The following SH3D19 variants were observed in gnomAD, a reference collection of about 807,000 sequenced individuals.
SH3D19 encodes SH3 domain-containing protein 19.
Under a neutral mutation model 112.1 loss-of-function variants are expected in SH3D19, and 58 were observed. The observed-to-expected ratio is 0.52, with a 90% CI of 0.42 to 0.64. SH3D19 has a LOEUF of 0.64. Ranked by LOEUF, SH3D19 falls within the 30% of genes least tolerant of loss-of-function variation. The pLI is 0.00. For missense variants in SH3D19, 1,090 were observed against 1,263.4 expected, an observed-to-expected ratio of 0.86 and a Z score of 2.08; for synonymous variants, 391 against 448.5, an observed-to-expected ratio of 0.87 and a Z score of 1.62.
chr4:151,263,721 G>C (rs1210665493), intron 1 of SH3D19, among the ~76,000 whole-genome samples: 1 of 152,220 alleles, frequency 6.6e-6, no homozygotes, highest in Non-Finnish European at 1.5e-5. Context: ...GCCTTTGGCA[G>C]CTGGCTTCTC....
At chr4:151,148,519 G>A (rs1754349950) in intron 10 of SH3D19, among the ~76,000 whole-genome samples, 1 of 152,046 alleles carries the variant, frequency 6.6e-6, no homozygotes, top group African/African-American at 2.4e-5. Context: ...ACTATTTCTG[G>A]AAACTAAGTA....
intron 2 of SH3D19, among the ~76,000 whole-genome samples, chr4:151,217,128 G>A (rs1767260009): frequency 6.6e-6 from 1 of 152,134 alleles, no homozygotes. Context: ...ATAGTTTATA[G>A]AGGTACAGGT....
chr4:151,291,335 G>A lies in SH3D19; in HGVS notation c.112+33906C>T, dbSNP rs528289824. The A allele has an allele frequency of 1.1e-4, 180 of 1,613,854 alleles. 1 individual carries two copies. In the South Asian group the frequency reaches 1.8e-3, roughly 16 times the overall value. On this transcript the variant is annotated intron_variant, in intron 1 of 19. Coordinates refer to ENST00000604030, the MANE Select transcript of SH3D19 (RefSeq NM_001378122.1). ...GTCCTACTCTCTCTGGCTCTCCTGCGTCCCTCCTGTGCCTTTGGACCTAAC... is the reference window on the plus strand; with the variant it reads ...GTCCTACTCTCTCTGGCTCTCCTGCATCCCTCCTGTGCCTTTGGACCTAAC...
At chr4:151,187,372 C>T in intron 3 of SH3D19, 51 bp downstream of exon 3, 1 of 1,053,700 alleles carries the variant, frequency 9.5e-7, no homozygotes, top group Non-Finnish European at 1.2e-6. Flanking sequence ...TCTAAATCAT[C>T]ACTTAAAATT....
intron 1 of SH3D19, among the ~76,000 whole-genome samples, chr4:151,286,184 G>GAAAAAAAAAAAAAAA (rs56850648): frequency 3.5e-5 from 3 of 86,628 alleles, no homozygotes; most frequent in Non-Finnish European, 6.1e-5. Context: ...CTGTCTTAAA[G>GAAAAAAAAAAAAAAA]AAAAAAAAAA....
intron 1 of SH3D19, among the ~76,000 whole-genome samples, chr4:151,278,402 G>C (rs1367814697): frequency 7.6e-6 from 1 of 132,184 alleles, no homozygotes; most frequent in Non-Finnish European, 1.8e-5. Flanking sequence ...CTAGTAGCTG[G>C]GACTACAGGT....
intron 1 of SH3D19, among the ~76,000 whole-genome samples, chr4:151,296,856 C>A (rs972578932): frequency 1.6e-4 from 25 of 152,066 alleles, no homozygotes; most frequent in African/African-American, 6.0e-4. Flanking sequence ...TAGACTAGTT[C>A]AAATAATGAC....
intron 1 of SH3D19, among the ~76,000 whole-genome samples, chr4:151,296,645 A>G (rs1310934745): frequency 2.6e-5 from 4 of 152,244 alleles, no homozygotes; most frequent in African/African-American, 9.6e-5. Context: ...TTCTGCCTTA[A>G]AAATGAATAT....
chr4:151,172,278 C>A (rs1759190977), intron 7 of SH3D19, among the ~76,000 whole-genome samples: 1 of 152,192 alleles, frequency 6.6e-6, no homozygotes. Flanking sequence ...AATCCCTCCA[C>A]AGGTCAAGGC....
At chr4:151,180,661 C>T (rs1760756617) in intron 3 of SH3D19, among the ~76,000 whole-genome samples, 2 of 151,038 alleles carry the variant, frequency 1.3e-5, no homozygotes, top group Non-Finnish European at 2.9e-5. Flanking sequence ...CCGCCTTGGC[C>T]TCCCAAAGTG....
chr4:151,173,957 G>A (rs11734577), intron 7 of SH3D19, among the ~76,000 whole-genome samples: 108,675 of 152,180 alleles, frequency 0.71, 43,972 homozygotes, highest in Non-Finnish European at 0.91. Flanking sequence ...ACTCTCCAAC[G>A]GAACAGTTAG....
chr4:151,248,742 A>G (rs991556559), intron 1 of SH3D19, among the ~76,000 whole-genome samples: 2 of 152,106 alleles, frequency 1.3e-5, no homozygotes, highest in Non-Finnish European at 2.9e-5. Flanking sequence ...CAACCACTAG[A>G]TAGGTGTCCA....
intron 1 of SH3D19, among the ~76,000 whole-genome samples, chr4:151,280,959 C>G (rs534633770): frequency 6.6e-6 from 1 of 152,128 alleles, no homozygotes; most frequent in South Asian, 2.1e-4. Context: ...AAAATGTTAC[C>G]TCTCATGCAC....
At chr4:151,219,215 C>T (rs1245979469) in intron 2 of SH3D19, among the ~76,000 whole-genome samples, 1 of 152,140 alleles carries the variant, frequency 6.6e-6, no homozygotes, top group African/African-American at 2.4e-5. Flanking sequence ...TGATCAGGTT[C>T]AATCCCCTGC....
At chr4:151,185,046 T>G (rs952888092) in intron 3 of SH3D19, among the ~76,000 whole-genome samples, 37 of 46,626 alleles carry the variant, frequency 7.9e-4, no homozygotes, top group Non-Finnish European at 2.0e-3. Context: ...TCCTGTTTTT[T>G]TTTTTTTTTT....
At chr4:151,135,033 C>T in intron 15 of SH3D19, 41 bp downstream of exon 15, 1 of 1,481,222 alleles carries the variant, frequency 6.8e-7, no homozygotes, top group South Asian at 1.2e-5. Flanking sequence ...AGATGGTTAT[C>T]TCCTTTGTAT....
chr4:151,244,199 A>AAACTAC (rs1770762647), intron 1 of SH3D19, among the ~76,000 whole-genome samples: 1 of 150,978 alleles, frequency 6.6e-6, no homozygotes, highest in South Asian at 2.1e-4. Context: ...CCCACATCTC[A>AAACTAC]AACAACAACA....
chr4:151,193,654 G>T (rs1216287048), intron 2 of SH3D19, among the ~76,000 whole-genome samples: 1 of 152,132 alleles, frequency 6.6e-6, no homozygotes, highest in East Asian at 1.9e-4. Flanking sequence ...TTGTCTGAAT[G>T]GGTTAGGTTA....
chr4:151,285,594 T>TG (rs1774670723), intron 1 of SH3D19, among the ~76,000 whole-genome samples: 1 of 152,186 alleles, frequency 6.6e-6, no homozygotes, highest in Non-Finnish European at 1.5e-5. Flanking sequence ...TATCTGTAAA[T>TG]GCCTACGTTA....
Sources: gnomAD v4.1 joint callset for allele counts (sites outside exome capture counted in the v4.1 genomes callset) on GRCh38, gnomAD v4.1.1 for gene constraint, MANE v1.5 for transcripts, NCBI Gene and HGNC (gene_info 2026-07-23, HGNC 2026-07-21) for gene names.